Variants in PDE8B observed in about 807,000 individuals in gnomAD.
PDE8B encodes phosphodiesterase 8B, also known as high affinity cAMP-specific and IBMX-insensitive 3',5'-cyclic phosphodiesterase 8B.
In PDE8B, 26 loss-of-function variants were observed where a neutral mutation model predicts 101.3. The ratio of observed to expected loss-of-function variants is 0.26; its 90% confidence interval spans 0.19 to 0.36. The LOEUF is 0.36. PDE8B is among the 10% of genes least tolerant of loss of function. PDE8B has a pLI of 1.00. For missense variants in PDE8B, 810 were observed against 1,163.1 expected, an observed-to-expected ratio of 0.70 and a Z score of 4.42; for synonymous variants, 424 against 429.3, an observed-to-expected ratio of 0.99 and a Z score of 0.15.
chr5:77,097,718 T>TAG, the PDE8B span, among the ~76,000 whole-genome samples: 2 of 37,528 alleles, frequency 5.3e-5, no homozygotes, highest in Non-Finnish European at 1.5e-4. Context: ...TATATATATA[T>TAG]ATATATATAT....
At chr5:77,287,949 C>T (rs1480334575) in intron 1 of PDE8B, among the ~76,000 whole-genome samples, 1 of 152,172 alleles carries the variant, frequency 6.6e-6, no homozygotes, top group African/African-American at 2.4e-5. Flanking sequence ...CCTCTCTTGG[C>T]TTTTGGTCAA....
chr5:77,318,718 A>G (rs1209732388), intron 2 of PDE8B, among the ~76,000 whole-genome samples: 1 of 151,866 alleles, frequency 6.6e-6, no homozygotes, highest in East Asian at 1.9e-4. Flanking sequence ...TCAAATGACC[A>G]CTCCCCTGAT....
chr5:77,317,403 G>A (rs1402309020), intron 2 of PDE8B, among the ~76,000 whole-genome samples: 2 of 152,130 alleles, frequency 1.3e-5, no homozygotes, highest in Non-Finnish European at 2.9e-5. Flanking sequence ...GCTTTTGAGG[G>A]TGCATTTCTG....
At chr5:77,158,134 A>G in the PDE8B span, among the ~76,000 whole-genome samples, 20 of 152,336 alleles carry the variant, frequency 1.3e-4, no homozygotes, top group African/African-American at 4.3e-4. Flanking sequence ...ACTCATACCC[A>G]GGTGTATGAC....
chr5:77,246,548 G>A (rs1297972966), intron 1 of PDE8B, among the ~76,000 whole-genome samples: 1 of 152,164 alleles, frequency 6.6e-6, no homozygotes, highest in Non-Finnish European at 1.5e-5. Context: ...TTTATGACAG[G>A]TGAAAATTAT....
rs1320754109 is a variant in PDE8B at position 77,349,512 on chromosome 5, C to T, written c.970C>T (p.Arg324Trp). The change falls in exon 8 of 22, where the codon CGG (arginine) becomes TGG (tryptophan). Residue 324 changes from arginine (R) to tryptophan (W), a missense_variant. This residue lies in a region of PDE8B where 251 missense variants were observed against 378.8 expected (regional missense o/e 0.66). Coordinates refer to ENST00000264917, the MANE Select transcript of PDE8B (RefSeq NM_003719.5). ...TGATCTGCCCAAAAGCGATAAGAACCGGGCAGACCTTCTCGACACCATCAA... is the reference window on the plus strand; with the variant it reads ...TGATCTGCCCAAAAGCGATAAGAACTGGGCAGACCTTCTCGACACCATCAA... Reference protein sequence around the residue: ...LADLPKSDKNRADLLDTINTC... With the variant: ...LADLPKSDKNWADLLDTINTC... 2 of 1,614,124 alleles carry T rather than the reference C, an allele frequency of 1.2e-6. No individual in the cohort carries two copies. The highest frequency in any genetic ancestry group is 1.1e-5 in the South Asian group (1 of 91,068).
At chr5:77,217,206 T>C (rs1749955456) in intron 1 of PDE8B, among the ~76,000 whole-genome samples, 2 of 152,030 alleles carry the variant, frequency 1.3e-5, no homozygotes, top group African/African-American at 4.8e-5. Flanking sequence ...CTGCTGTCCT[T>C]CTCCCTATCC....
At chr5:77,398,096 C>CTT (rs35870926) in intron 10 of PDE8B, among the ~76,000 whole-genome samples, 2 of 151,792 alleles carry the variant, frequency 1.3e-5, no homozygotes, top group Non-Finnish European at 2.9e-5. Context: ...TTGGAAATTC[C>CTT]TTTTTTTAGA....
chr5:77,243,511 T>G (rs1287767818), intron 1 of PDE8B, among the ~76,000 whole-genome samples: 3 of 152,236 alleles, frequency 2.0e-5, no homozygotes, highest in African/African-American at 7.2e-5. Flanking sequence ...CAGTTGAGCC[T>G]GCTCCCACTC....
chr5:77,257,458 A>G (rs1379240357), intron 1 of PDE8B, among the ~76,000 whole-genome samples: 2 of 152,220 alleles, frequency 1.3e-5, no homozygotes, highest in African/African-American at 4.8e-5. Context: ...TTTAGAACTA[A>G]GAATATTACC....
chr5:77,159,951 A>G, the PDE8B span, among the ~76,000 whole-genome samples: 2 of 152,200 alleles, frequency 1.3e-5, no homozygotes, highest in African/African-American at 4.8e-5. Flanking sequence ...GGACAGAAGC[A>G]CATAATGGTT....
intron 1 of PDE8B, among the ~76,000 whole-genome samples, chr5:77,249,100 G>T (rs1757549359): frequency 2.0e-5 from 3 of 152,160 alleles, no homozygotes; most frequent in African/African-American, 7.2e-5. Flanking sequence ...AGTTTCCCAG[G>T]ATTAATCCAT....
the PDE8B span, chr5:77,146,095 G>T: frequency 1.3e-5 from 2 of 152,132 alleles, no homozygotes; most frequent in African/African-American, 4.8e-5. Flanking sequence ...TGTGCATTAG[G>T]AGCAAGACGA....
chr5:77,418,853 G>A (rs752992696), intron 18 of PDE8B, among the ~76,000 whole-genome samples: 5 of 152,140 alleles, frequency 3.3e-5, no homozygotes, highest in African/African-American at 9.7e-5. Context: ...GAGCACGAAG[G>A]GTGGGGCAGG....
intron 1 of PDE8B, among the ~76,000 whole-genome samples, chr5:77,222,405 C>T (rs920728582): frequency 3.3e-5 from 5 of 152,114 alleles, no homozygotes; most frequent in African/African-American, 7.2e-5. Flanking sequence ...GGGTGGATCA[C>T]GAGGTCAGGA....
chr5:77,094,640 C>T, the PDE8B span, among the ~76,000 whole-genome samples: 1 of 152,206 alleles, frequency 6.6e-6, no homozygotes, highest in South Asian at 2.1e-4. Flanking sequence ...GTCCATTTTG[C>T]ATTGCTATCT....
the PDE8B span, among the ~76,000 whole-genome samples, chr5:77,181,163 C>T: frequency 6.7e-6 from 1 of 148,824 alleles, no homozygotes; most frequent in Non-Finnish European, 1.5e-5. Context: ...ATAGACGGAG[C>T]GTGGACTAAA....
At chr5:77,138,776 A>T in the PDE8B span, among the ~76,000 whole-genome samples, 5 of 152,198 alleles carry the variant, frequency 3.3e-5, no homozygotes, top group South Asian at 1.0e-3. Flanking sequence ...CCAACGATCT[A>T]AAACACTATG....
intron 1 of PDE8B, among the ~76,000 whole-genome samples, chr5:77,301,857 A>G (rs1188041834): frequency 2.0e-5 from 3 of 152,208 alleles, no homozygotes; most frequent in African/African-American, 7.2e-5. Flanking sequence ...AAGAATTTTG[A>G]CATAATCATA....
Sources: allele counts gnomAD v4.1 joint callset (sites outside exome capture counted in the v4.1 genomes callset), GRCh38; gene constraint gnomAD v4.1.1; regional missense constraint gnomAD v4.1.1; transcripts MANE v1.5; gene names NCBI Gene and HGNC (gene_info 2026-07-23, HGNC 2026-07-21).